GPM6A: variants seen among roughly 807,000 people sequenced by gnomAD.
The protein encoded by GPM6A is neuronal membrane glycoprotein M6-a.
Under a neutral mutation model 32.1 loss-of-function variants are expected in GPM6A, and 7 were observed. The observed-to-expected ratio is 0.22, with a 90% CI of 0.12 to 0.41. GPM6A has a LOEUF of 0.41. Among genes scored for constraint, GPM6A ranks in the 10% least tolerant of loss-of-function variants. The pLI is 1.00. For synonymous variants in GPM6A, 130 were observed against 123.4 expected (o/e 1.05, Z -0.35); for missense variants, 235 against 347.2 (o/e 0.68, Z 2.57).
intron 1 of GPM6A, among the ~76,000 whole-genome samples, chr4:175,810,201 G>A (rs757099100): frequency 9.2e-5 from 14 of 152,026 alleles, no homozygotes; most frequent in South Asian, 2.1e-4. Context: ...CGCACATATC[G>A]ACAGAGCATT....
Position 175,651,924 on chromosome 4 carries a change from G to C in GPM6A, c.451C>G (p.Pro151Ala). The C allele has an allele frequency of 6.2e-7, 1 of 1,612,402 alleles. No individual in the cohort carries two copies. The highest frequency in any genetic ancestry group is 2.2e-5 in the East Asian group (1 of 44,822). The part of the protein sequence containing the change: ...WLGVTAFTSL[P>A]VYMYFNLWTI... ...CACAGATTGAAGTACATGTAAACTG[G>C]CAGTGAGGTGAAAGCCGTGACTCCC... Residue 151 changes from proline to alanine, a missense_variant, in exon 4 of 7, where the codon CCA becomes GCA. Physicochemically the swap from Pro to Ala is conservative, Grantham distance 27. This residue lies in a region of GPM6A where 107 missense variants were observed against 116.7 expected (regional missense o/e 0.92). Coordinates refer to ENST00000393658, the MANE Select transcript of GPM6A (RefSeq NM_201591.3).
At chr4:175,636,953 T>C (rs1740657259) in intron 6 of GPM6A, among the ~76,000 whole-genome samples, 1 of 133,950 alleles carries the variant, frequency 7.5e-6, no homozygotes, top group Non-Finnish European at 1.6e-5. Flanking sequence ...TATATATATA[T>C]ATGTATTTAT....
In GPM6A at chr4:175,884,190, G is replaced by A. The variant is rs185449965; in HGVS notation, c.-22-71941C>T. On this transcript the variant is annotated intron_variant, in intron 1 of 7. Transcript: ENST00000280187. ...TTTTGTTTTAAAATTCTTCAATTTG[G>A]GTTAATAGAACTATAAATCTTTGTA... Among the ~76,000 whole-genome samples the A allele has an allele frequency of 8.6e-4, 131 of 152,182 alleles. 1 individual carries two copies. The highest frequency in any genetic ancestry group is 2.8e-3 in the African/African-American group (118 of 41,506).
rs1734918270 is a variant in GPM6A at position 175,811,512 on chromosome 4, A to C, written c.37+679T>G. On this transcript the variant is annotated intron_variant, in intron 1 of 6. Transcript: ENST00000393658. Reference sequence around the variant, plus strand: ...CCTTCAAAAATGGAAATTTCACTTTAACTCATACAGCCAGATATACCTAGA... The same window carrying C: ...CCTTCAAAAATGGAAATTTCACTTTCACTCATACAGCCAGATATACCTAGA... Among the ~76,000 whole-genome samples, 3 of 152,314 alleles carry C rather than the reference A, an allele frequency of 2.0e-5. No homozygotes were observed. In the South Asian group the frequency reaches 6.2e-4, roughly 32 times the overall value.
chr4:175,897,691 G>C (rs1737840194), intron 1 of GPM6A, among the ~76,000 whole-genome samples: 1 of 152,032 alleles, frequency 6.6e-6, no homozygotes, highest in Non-Finnish European at 1.5e-5. Flanking sequence ...GAGAACTTAA[G>C]AAAGAAGAGT....
At chr4:175,670,723 A>G (rs1467679848) in intron 3 of GPM6A, among the ~76,000 whole-genome samples, 1 of 152,216 alleles carries the variant, frequency 6.6e-6, no homozygotes, top group African/African-American at 2.4e-5. Context: ...GCATTAAAAT[A>G]TTGTAATGAA....
chr4:175,929,491 A>G (rs1210159502), intron 1 of GPM6A, among the ~76,000 whole-genome samples: 3 of 152,218 alleles, frequency 2.0e-5, no homozygotes, highest in Admixed American at 6.5e-5. Context: ...AAATACAAAT[A>G]AAGTAATATG....
chr4:175,999,850 T>C (rs1741420697), intron 1 of GPM6A, among the ~76,000 whole-genome samples: 1 of 152,228 alleles, frequency 6.6e-6, no homozygotes, highest in South Asian at 2.1e-4. Flanking sequence ...ACTCTAATGC[T>C]AAACTCCCTA....
intron 1 of GPM6A, among the ~76,000 whole-genome samples, chr4:175,767,915 C>A (rs1209141223): frequency 1.3e-5 from 2 of 152,182 alleles, no homozygotes; most frequent in Admixed American, 1.3e-4. Flanking sequence ...CCACATATTT[C>A]AGATACCTAC....
chr4:175,887,529 A>G (rs947625738), intron 1 of GPM6A, among the ~76,000 whole-genome samples: 15 of 151,884 alleles, frequency 9.9e-5, no homozygotes, highest in African/African-American at 3.6e-4. Flanking sequence ...CACTGATCAC[A>G]AGAAGCAATA....
chr4:175,700,224 T>A (rs994580974), intron 2 of GPM6A, among the ~76,000 whole-genome samples: 1 of 152,060 alleles, frequency 6.6e-6, no homozygotes, highest in African/African-American at 2.4e-5. Flanking sequence ...TAAAAAAAAA[T>A]TATGATATTT....
intron 1 of GPM6A, among the ~76,000 whole-genome samples, chr4:175,715,073 A>G (rs965968130): frequency 1.3e-5 from 2 of 152,080 alleles, no homozygotes; most frequent in African/African-American, 4.8e-5. Context: ...TGTTCAGATA[A>G]TGTCTGGAAA....
intron 1 of GPM6A, among the ~76,000 whole-genome samples, chr4:175,885,879 T>C (rs1268523505): frequency 6.6e-6 from 1 of 152,194 alleles, no homozygotes; most frequent in Non-Finnish European, 1.5e-5. Context: ...TACTGTTTTT[T>C]AACAGTCTTA....
rs1322761880 is a variant in GPM6A, at chr4:175,720,051, T to C, written c.38-18284A>G. Among the ~76,000 whole-genome samples, 6 of 152,348 alleles carry C rather than the reference T, an allele frequency of 3.9e-5. No individual in the cohort carries two copies. In the East Asian group the frequency reaches 9.6e-4, roughly 24 times the overall value. On this transcript the variant is annotated intron_variant, in intron 1 of 6. Coordinates refer to ENST00000393658, the MANE Select transcript of GPM6A (RefSeq NM_201591.3). ...ATAACAAAATACGGATGCACTGTTT[T>C]TTCTTACAGCAAATTCAGTCTTGAC... is the stretch of plus-strand genomic sequence containing the variant.
At chr4:175,692,661 T>C (rs974137425) in intron 2 of GPM6A, among the ~76,000 whole-genome samples, 6 of 152,140 alleles carry the variant, frequency 3.9e-5, no homozygotes, top group African/African-American at 1.4e-4. Context: ...CTTCAATGAA[T>C]ACAATTTTAA....
intron 1 of GPM6A, among the ~76,000 whole-genome samples, chr4:175,730,534 G>C (rs566125221): frequency 3.3e-5 from 5 of 151,030 alleles, no homozygotes; most frequent in African/African-American, 1.2e-4. Flanking sequence ...GCAGTGGCGC[G>C]ATCTCGGCTC....
intron 1 of GPM6A, among the ~76,000 whole-genome samples, chr4:175,911,694 T>A (rs1738323893): frequency 6.6e-6 from 1 of 152,138 alleles, no homozygotes; most frequent in Non-Finnish European, 1.5e-5. Flanking sequence ...AGCAGGGAAA[T>A]TAATTAGAAG....
intron 1 of GPM6A, among the ~76,000 whole-genome samples, chr4:175,802,606 C>T (rs1256755988): frequency 6.6e-6 from 1 of 152,032 alleles, no homozygotes; most frequent in East Asian, 1.9e-4. Flanking sequence ...TAGAAAAGGT[C>T]TTATCTTATT....
intron 2 of GPM6A, among the ~76,000 whole-genome samples, chr4:175,696,169 A>G (rs1744569455): frequency 6.6e-6 from 1 of 152,192 alleles, no homozygotes; most frequent in Admixed American, 6.5e-5. Flanking sequence ...CAGCCATGTT[A>G]TTATTGTTTT....
Sources: gnomAD v4.1 joint callset for allele counts (sites outside exome capture counted in the v4.1 genomes callset) on GRCh38, gnomAD v4.1.1 for gene constraint, gnomAD v4.1.1 regional missense constraint, MANE v1.5 for transcripts, NCBI Gene and HGNC (gene_info 2026-07-23, HGNC 2026-07-21) for gene names.